The following COL5A3 variants were observed in gnomAD, a reference collection of about 807,000 sequenced individuals.
COL5A3 encodes collagen alpha-3(V) chain.
A neutral mutation model predicts 250.0 loss-of-function variants in COL5A3; 172 were observed. The observed-to-expected ratio is 0.69, with a 90% confidence interval of 0.61 to 0.78. The LOEUF is 0.78. Among genes scored for constraint, COL5A3 ranks in the 30% least tolerant of loss-of-function variants. The probability of loss-of-function intolerance (pLI) is 0.00; values close to 1 mark genes in which losing one functional copy is unlikely to be tolerated. For synonymous variants in COL5A3, 937 were observed against 900.4 expected (o/e 1.04, Z -0.73); for missense variants, 2,340 against 2,334.4 (o/e 1.00, Z -0.05).
chr19:9,960,324 A>C lies in COL5A3; in HGVS notation c.*87T>G. On this transcript the variant is annotated 3_prime_UTR_variant, in exon 67 of 67. Coordinates refer to ENST00000264828, the MANE Select transcript of COL5A3 (RefSeq NM_015719.4). ...TCCCATTGGCTCCATAGTCACAGGT[A>C]ACGAAAAATACGGTGGCTTCAAAGC... 6.6e-7 allele frequency: 1 copy of C among 1,512,062 alleles called. No homozygotes were observed. Among genetic ancestry groups the C allele is most frequent in the Non-Finnish European group, 9.1e-7 (1 of 1,099,698 alleles). The allele number at this position is 1,512,062 out of a possible 1,614,324, so 93.7% of individuals were successfully genotyped here. A position where few individuals can be genotyped will look rare whatever the true frequency, so the allele number is the denominator to read the frequency against.
chr19:9,978,730 G>T, intron 40 of COL5A3, 103 bp from the exon 41 acceptor site: 1 of 960,262 alleles, frequency 1.0e-6, no homozygotes, highest in Non-Finnish European at 1.5e-6. Flanking sequence ...TCCTGGGACT[G>T]GACACTGAGC....
intron 1 of COL5A3, 27 bp downstream of exon 1, chr19:10,010,257 AGTCGTGGACCCTGG>A: frequency 8.0e-7 from 1 of 1,249,820 alleles, no homozygotes; most frequent in Non-Finnish European, 1.0e-6. Flanking sequence ...AGCCTCTCTG[AGTCGTGGACCCTGG>A]GTCCCATCTC....
intron 16 of COL5A3, among the ~76,000 whole-genome samples, chr19:9,995,264 T>C (rs927873295): frequency 6.6e-6 from 1 of 152,228 alleles, no homozygotes; most frequent in Non-Finnish European, 1.5e-5. Context: ...TTGACTTGTT[T>C]GTCATTTCCT....
intron 1 of COL5A3, 65 bp downstream of exon 1, chr19:10,010,233 C>A: frequency 8.4e-7 from 1 of 1,193,542 alleles, no homozygotes. Context: ...CCCCTCCACC[C>A]CTCGCTCTTT....
intron 41 of COL5A3, among the ~76,000 whole-genome samples, 194 bp downstream of exon 41, chr19:9,978,380 T>C (rs1163984448): frequency 6.6e-6 from 1 of 152,068 alleles, no homozygotes; most frequent in Non-Finnish European, 1.5e-5. Context: ...TCTGCCTCCA[T>C]GCCTGGCTAA....
intron 33 of COL5A3, 85 bp from the exon 34 acceptor site, chr19:9,980,944 C>T: frequency 6.6e-7 from 1 of 1,514,254 alleles, no homozygotes; most frequent in South Asian, 1.2e-5. Context: ...GTCCCCTCCC[C>T]TTGTGACTCC....
intron 49 of COL5A3, 52 bp downstream of exon 49, chr19:9,973,704 A>G: frequency 6.2e-7 from 1 of 1,612,680 alleles, no homozygotes; most frequent in Non-Finnish European, 8.5e-7. Flanking sequence ...CCTGCCCAAT[A>G]GGACTAGATT....
At chr19:10,006,364 T>C in intron 1 of COL5A3, 133 bp from the exon 2 acceptor site, 1 of 900,498 alleles carries the variant, frequency 1.1e-6, no homozygotes, top group Non-Finnish European at 1.6e-6. Context: ...TGTTTGTGGC[T>C]CAGGAAGAAG....
In COL5A3 at chr19:9,966,469, C is replaced by T. The variant is rs187502272; in HGVS notation, c.4670-43G>A. ...AGGGTGGGTGAGTCCGGATGGGACC[C>T]GACGGACCCCAACCCCCCCCACACC... On this transcript the variant is annotated intron_variant, in intron 63 of 66. Transcript: ENST00000264828. 2,986 of 1,573,806 alleles carry T rather than the reference C, an allele frequency of 1.9e-3. 46 individuals are homozygous for T. The African/African-American group carries it at 0.035, about 18-fold the overall frequency.
intron 50 of COL5A3, 92 bp downstream of exon 50, chr19:9,973,478 T>G: frequency 7.6e-7 from 1 of 1,310,282 alleles, no homozygotes; most frequent in Non-Finnish European, 1.1e-6. Context: ...GTGGATGATC[T>G]TGCACTGTCC....
At chr19:9,965,932 C>T (rs1057452637) in intron 64 of COL5A3, among the ~76,000 whole-genome samples, 3 of 152,160 alleles carry the variant, frequency 2.0e-5, no homozygotes, top group African/African-American at 7.2e-5. Context: ...CTCTAGGGCT[C>T]AAAGGATCCT....
intron 27 of COL5A3, among the ~76,000 whole-genome samples, chr19:9,988,871 A>AC (rs2145115032): frequency 6.8e-6 from 1 of 148,118 alleles, no homozygotes; most frequent in Non-Finnish European, 1.5e-5. Context: ...AAGTAAAGAA[A>AC]AGAAAAGGAA....
At chr19:9,998,214 ATC>A (rs1447965325) in intron 8 of COL5A3, 65 bp from the exon 9 acceptor site, 43 of 1,462,974 alleles carry the variant, frequency 2.9e-5, no homozygotes, top group Non-Finnish European at 3.9e-5. Flanking sequence ...CCCTTCAGTT[ATC>A]TGATCACACA....
At position 9,989,755 on chromosome 19, in the gene COL5A3, A is replaced by C. The variant is rs528504021; in HGVS notation, c.1993-233T>G. On this transcript the variant is annotated intron_variant, in intron 24 of 66. Transcript: ENST00000264828. The stretch of plus-strand genomic sequence containing the variant: ...GGGAAGGTTGCAAGGAAGAACATAA[A>C]AACAGTACAAGATTGATAGCACAAC... Among the ~76,000 whole-genome samples, 236 of 152,150 alleles carry C rather than the reference A, an allele frequency of 1.6e-3. 10 individuals are homozygous for C. Among genetic ancestry groups the C allele is most frequent in the Non-Finnish European group, 1.2e-3 (80 of 68,030 alleles).
chr19:9,999,617 A>G (rs2087328512), intron 8 of COL5A3, among the ~76,000 whole-genome samples: 1 of 145,124 alleles, frequency 6.9e-6, no homozygotes, highest in South Asian at 2.2e-4. Flanking sequence ...GGCGCCCGCC[A>G]CCACGCCCAG....
intron 8 of COL5A3, among the ~76,000 whole-genome samples, chr19:9,999,028 CTTTCTT>C (rs557079284): frequency 0.037 from 4,851 of 131,506 alleles, 283 homozygotes; most frequent in African/African-American, 0.14. Context: ...CTTTCTTTCT[CTTTCTT>C]TTTCTTTCTC....
intron 50 of COL5A3, 118 bp downstream of exon 50, chr19:9,973,452 C>T: frequency 9.6e-7 from 1 of 1,046,606 alleles, no homozygotes; most frequent in Non-Finnish European, 1.4e-6. Context: ...CAGGGACGGC[C>T]ACAGGACAGG....
intron 45 of COL5A3, among the ~76,000 whole-genome samples, chr19:9,975,290 G>T (rs2086903799): frequency 6.6e-6 from 1 of 151,956 alleles, no homozygotes; most frequent in Non-Finnish European, 1.5e-5. Flanking sequence ...ATTTTGGCCA[G>T]GCTGATATTG....
intron 31 of COL5A3, among the ~76,000 whole-genome samples, chr19:9,985,214 G>A (rs564449556): frequency 6.7e-6 from 1 of 149,588 alleles, no homozygotes; most frequent in African/African-American, 2.5e-5. Flanking sequence ...GCCTCCCAAA[G>A]CGTTGGGATT....
Sources: allele counts gnomAD v4.1 joint callset (sites outside exome capture counted in the v4.1 genomes callset), GRCh38; gene constraint gnomAD v4.1.1; transcripts MANE v1.5; gene names NCBI Gene and HGNC (gene_info 2026-07-23, HGNC 2026-07-21).